The following RUNX1T1 variants were observed in gnomAD, a reference collection of about 807,000 sequenced individuals.
RUNX1T1 encodes the protein protein CBFA2T1.
Under a neutral mutation model 62.8 loss-of-function variants are expected in RUNX1T1, and 4 were observed. The observed-to-expected ratio is 0.06, with a 90% CI of 0.03 to 0.15. The LOEUF (loss-of-function observed/expected upper bound fraction) is 0.15. Among genes scored for constraint, RUNX1T1 ranks in the 10% least tolerant of loss-of-function variants. The probability of loss-of-function intolerance (pLI) is 1.00; values close to 1 mark genes in which losing one functional copy is unlikely to be tolerated. For synonymous variants in RUNX1T1, 291 were observed against 286.0 expected, an observed-to-expected ratio of 1.02 and a Z score of -0.18; for missense variants, 508 against 754.3, an observed-to-expected ratio of 0.67 and a Z score of 3.82.
chr8:92,052,054 C>T (rs911905912), intron 1 of RUNX1T1, among the ~76,000 whole-genome samples: 28 of 152,230 alleles, frequency 1.8e-4, no homozygotes, highest in Admixed American at 1.6e-3. Flanking sequence ...GGCCACAAAG[C>T]GTGTCAGACT....
chr8:92,074,341 A>G (rs546147525), intron 2 of RUNX1T1, among the ~76,000 whole-genome samples: 62 of 152,348 alleles, frequency 4.1e-4, no homozygotes, highest in African/African-American at 1.3e-3. Flanking sequence ...ATGACCAGAA[A>G]GGAATAGATT....
Position 91,996,564 on chromosome 8 carries a change from A to G in RUNX1T1, c.660-4675T>C, listed in dbSNP as rs568168478. On this transcript the variant is annotated intron_variant, in intron 5 of 10. Transcript: ENST00000396218. ...CTTACCAGGAGACATTTTCCTCAAC[A>G]CAATCTAACCACTTCAACATTTAGA... Among the ~76,000 whole-genome samples, 4 of 152,260 alleles carry G rather than the reference A, an allele frequency of 2.6e-5. No individual in the cohort carries two copies. The South Asian group carries it at 6.2e-4, about 24-fold the overall frequency.
rs776358862 is a variant in RUNX1T1 at position 91,991,898 on chromosome 8, G to T, written c.660-9C>A. The T allele has an allele frequency of 6.2e-7, 1 of 1,612,086 alleles. No homozygotes were observed. Among genetic ancestry groups the T allele is most frequent in the East Asian group, 2.2e-5 (1 of 44,866 alleles). ...AGCCATTTTCTTTGGTTCTAAAGGG[G>T]GAAAAAACAAGAGTTTGTTTCATCA... On this transcript the variant is annotated splice_polypyrimidine_tract_variant and intron_variant, in intron 5 of 10. Coordinates refer to ENST00000396218, the Ensembl canonical transcript of RUNX1T1.
chr8:91,970,043 T>TTGTG (rs1554595113), intron 10 of RUNX1T1, among the ~76,000 whole-genome samples: 3 of 142,808 alleles, frequency 2.1e-5, no homozygotes, highest in African/African-American at 7.9e-5. Context: ...TGTGTGTGTG[T>TTGTG]TGTGTGTGTG....
At chr8:92,035,985 C>A (rs1277791154) in intron 1 of RUNX1T1, among the ~76,000 whole-genome samples, 1 of 152,154 alleles carries the variant, frequency 6.6e-6, no homozygotes, top group Non-Finnish European at 1.5e-5. Flanking sequence ...TGAACACATA[C>A]ATAAATTTAA....
intron 2 of RUNX1T1, among the ~76,000 whole-genome samples, chr8:92,074,531 C>G (rs1043869578): frequency 2.0e-5 from 3 of 152,136 alleles, no homozygotes; most frequent in African/African-American, 7.2e-5. Flanking sequence ...ACATTAAGCC[C>G]AAGCTTAATG....
chr8:92,074,009 T>A (rs1015554870), intron 2 of RUNX1T1, among the ~76,000 whole-genome samples: 3 of 152,150 alleles, frequency 2.0e-5, no homozygotes, highest in African/African-American at 7.2e-5. Context: ...AGAAGTAAAT[T>A]TTTAATGCCA....
At chr8:91,986,398 CA>C in intron 7 of RUNX1T1, 73 bp from the exon 9 acceptor site, 1 of 1,185,082 alleles carries the variant, frequency 8.4e-7, no homozygotes, top group South Asian at 1.2e-5. Context: ...AGTAGTGAAA[CA>C]AACCATTTCA....
chr8:91,986,434 C>A, intron 7 of RUNX1T1, 109 bp from the exon 9 acceptor site: 1 of 816,646 alleles, frequency 1.2e-6, no homozygotes. Flanking sequence ...GCAATTTTAT[C>A]CCTGAAGGTT....
rs750589107 is a variant in RUNX1T1, at chr8:92,062,741, C to G, written c.-189G>C. 5 of 1,569,016 alleles carry G rather than the reference C, an allele frequency of 3.2e-6. No individual in the cohort carries two copies. The South Asian group carries it at 5.8e-5, about 18-fold the overall frequency. The stretch of plus-strand genomic sequence containing the variant: ...GGCAGAGACAGATGGAGAGCTGACA[C>G]TCCGGATTGCACTTGGAGCAGAAAT... On this transcript the variant is annotated 5_prime_UTR_variant, in exon 1 of 11. Transcript: ENST00000396218.
chr8:92,095,707 C>G (rs1837689715), intron 1 of RUNX1T1: 1 of 706,194 alleles, frequency 1.4e-6, no homozygotes, highest in East Asian at 3.2e-5. Flanking sequence ...GGCGGGGGCT[C>G]AGACCCCAGG....
chr8:92,079,783 G>A (rs560611226), intron 1 of RUNX1T1, among the ~76,000 whole-genome samples: 8 of 152,212 alleles, frequency 5.3e-5, no homozygotes, highest in African/African-American at 1.7e-4. Flanking sequence ...CTTCCAGAGT[G>A]CAGCTCTTCT....
chr8:92,102,825 C>T, upstream of RUNX1T1: 1 of 1,496,598 alleles, frequency 6.7e-7, no homozygotes, highest in Non-Finnish European at 8.8e-7. The surrounding 1 kb of genome is among the most constrained non-coding windows in gnomAD (Gnocchi z 4.5). Context: ...CCGCCGCCCG[C>T]CCGCCGGCCA....
At chr8:92,051,083 T>A (rs1277660317) in intron 1 of RUNX1T1, among the ~76,000 whole-genome samples, 1 of 152,132 alleles carries the variant, frequency 6.6e-6, no homozygotes, top group Non-Finnish European at 1.5e-5. Flanking sequence ...ATTGTACTTA[T>A]CCCTATCTGA....
At chr8:91,971,976 GATTA>G (rs2130640502) in intron 9 of RUNX1T1, among the ~76,000 whole-genome samples, 1 of 152,180 alleles carries the variant, frequency 6.6e-6, no homozygotes, top group African/African-American at 2.4e-5. Context: ...AAATGACAAT[GATTA>G]ATTGAAAATT....
intron 1 of RUNX1T1, among the ~76,000 whole-genome samples, chr8:92,097,150 T>C (rs1837813565): frequency 1.3e-5 from 2 of 152,316 alleles, no homozygotes; most frequent in African/African-American, 4.8e-5. Context: ...AATCCTCCAG[T>C]AATCCAATAA....
intron 6 of RUNX1T1, among the ~76,000 whole-genome samples, chr8:91,987,811 T>C (rs1350466687): frequency 1.3e-5 from 2 of 152,178 alleles, no homozygotes; most frequent in African/African-American, 4.8e-5. Context: ...AAACGTGTTA[T>C]TCCTCTTACA....
Position 91,988,995 on chromosome 8 carries a change from G to C in RUNX1T1, c.911-2023C>G, listed in dbSNP as rs190223385. On this transcript the variant is annotated intron_variant, in intron 6 of 10. Transcript: ENST00000396218. ...CAGCAGCACACAATTTTTATTTATA[G>C]TCATAATACCAGAGGGATGTACCGG... Among the ~76,000 whole-genome samples the C allele has an allele frequency of 3.2e-3, 486 of 152,004 alleles. 4 individuals are homozygous for C. The highest frequency in any genetic ancestry group is 0.013 in the South Asian group (63 of 4,816).
At position 91,976,353 on chromosome 8, in the gene RUNX1T1, T is replaced by TA. The variant is rs755688065; in HGVS notation, c.1199-381dup. Among the ~76,000 whole-genome samples, 8 of 152,220 alleles carry TA rather than the reference T, an allele frequency of 5.3e-5. No individual in the cohort carries two copies. In the East Asian group the frequency reaches 1.5e-3, roughly 29 times the overall value. On this transcript the variant is annotated intron_variant, in intron 8 of 10. Transcript: ENST00000396218. ...TCCTTTCATGAGTCAAACTGGTGGT[T>TA]AAACAATCAAATGTTCAGGTAATGT...
Sources: allele counts gnomAD v4.1 joint callset (sites outside exome capture counted in the v4.1 genomes callset), GRCh38; gene constraint gnomAD v4.1.1; non-coding constraint Gnocchi (gnomAD v3.1); transcripts MANE v1.5; gene names NCBI Gene and HGNC (gene_info 2026-07-23, HGNC 2026-07-21).